Variants in ZNF540 observed in about 807,000 individuals in gnomAD.
The protein encoded by ZNF540 is zinc finger protein 540.
In ZNF540, 3 loss-of-function variants were observed where a neutral mutation model predicts 11.8. The ratio of observed to expected loss-of-function variants is 0.25; its 90% CI spans 0.12 to 0.65. The LOEUF (loss-of-function observed/expected upper bound fraction) is 0.65, where lower values mean the gene tolerates loss of function less well. Ranked by LOEUF, ZNF540 falls within the 30% of genes least tolerant of loss-of-function variation. The probability of loss-of-function intolerance (pLI) is 0.83; values close to 1 mark genes in which losing one functional copy is unlikely to be tolerated. For synonymous variants in ZNF540, 247 were observed against 259.0 expected, an observed-to-expected ratio of 0.95 and a Z score of 0.45; for missense variants, 709 against 793.1, an observed-to-expected ratio of 0.89 and a Z score of 1.27.
intron 1 of ZNF540, among the ~76,000 whole-genome samples, chr19:37,561,260 A>G (rs904297345): frequency 6.6e-6 from 1 of 152,004 alleles, no homozygotes; most frequent in Non-Finnish European, 1.5e-5. Flanking sequence ...CCCTTATAAA[A>G]TTGATCTAGA....
chr19:37,558,036 A>G (rs561796158), intron 1 of ZNF540, among the ~76,000 whole-genome samples: 1 of 152,296 alleles, frequency 6.6e-6, no homozygotes, highest in Admixed American at 6.5e-5. Flanking sequence ...CAAACAGGTG[A>G]AACGGCTTTG....
At chr19:37,579,842 G>C (rs901766410) in intron 1 of ZNF540, among the ~76,000 whole-genome samples, 1 of 152,004 alleles carries the variant, frequency 6.6e-6, no homozygotes, top group South Asian at 2.1e-4. Context: ...TTTTGATCCA[G>C]CTGGAGGAGG....
chr19:37,566,137 C>G (rs1261509504), intron 1 of ZNF540: 6 of 1,614,010 alleles, frequency 3.7e-6, no homozygotes, highest in South Asian at 1.1e-5. Context: ...CTTCTTGACC[C>G]TCTAAGTTGC....
intron 4 of ZNF540, among the ~76,000 whole-genome samples, chr19:37,606,747 T>C (rs1038021012): frequency 3.0e-4 from 45 of 152,340 alleles, no homozygotes; most frequent in African/African-American, 1.0e-3. Context: ...TGTGTTATTA[T>C]TGAGTTGCAA....
intron 3 of ZNF540, among the ~76,000 whole-genome samples, chr19:37,600,216 A>G (rs1416995707): frequency 6.6e-6 from 1 of 152,142 alleles, no homozygotes; most frequent in Non-Finnish European, 1.5e-5. Context: ...ACTTCCTAAA[A>G]CAAATATTTT....
At chr19:37,556,633 G>C (rs1361896882) in intron 1 of ZNF540, among the ~76,000 whole-genome samples, 1 of 152,218 alleles carries the variant, frequency 6.6e-6, no homozygotes, top group Admixed American at 6.5e-5. Context: ...CCTTGAACAA[G>C]TGGCAGGATG....
In ZNF540 at chr19:37,614,056, G is replaced by A. The variant is rs994655265; in HGVS notation, c.*793G>A. On this transcript the variant is annotated 3_prime_UTR_variant, in exon 5 of 5. Transcript: ENST00000316433. ...CTGGCACCTTGACCTTGGACTTTCA[G>A]CCTCCAAAACTGTGAGAAATAAACC... The A allele has an allele frequency of 1.0e-5, 4 of 393,584 alleles. No homozygotes were observed. Among genetic ancestry groups the A allele is most frequent in the African/African-American group, 6.2e-5 (3 of 48,552 alleles). 24.4% of individuals were successfully genotyped at this position (393,584 alleles called of 1,614,324 possible).
chr19:37,613,396 A>C lies in ZNF540; in HGVS notation c.*133A>C. The stretch of plus-strand genomic sequence containing the variant: ...AATGTATGAGTCTTAAATACCTCTT[A>C]GTTCTCATTAAATTTAGGAAAATTC... On this transcript the variant is annotated 3_prime_UTR_variant, in exon 5 of 5. Transcript: ENST00000316433. 1.6e-6 allele frequency: 1 copy of C among 617,190 alleles called. No homozygotes were observed. The highest frequency in any genetic ancestry group is 2.5e-6 in the Non-Finnish European group (1 of 402,612). 38.2% of individuals were successfully genotyped at this position (617,190 alleles called of 1,614,324 possible). A position where few individuals can be genotyped will look rare whatever the true frequency, so the allele number is the denominator to read the frequency against.
intron 1 of ZNF540, chr19:37,575,383 C>T (rs1277110884): frequency 6.6e-6 from 1 of 152,178 alleles, no homozygotes; most frequent in Non-Finnish European, 1.5e-5. Flanking sequence ...CCACATATGT[C>T]AGATTTACCA....
intron 1 of ZNF540, among the ~76,000 whole-genome samples, chr19:37,554,543 T>A (rs1454690032): frequency 6.6e-6 from 1 of 152,202 alleles, no homozygotes; most frequent in African/African-American, 2.4e-5. Context: ...TACCACTAGT[T>A]TTCAGCAATT....
At chr19:37,567,370 T>C (rs1031505880) in intron 1 of ZNF540, among the ~76,000 whole-genome samples, 4 of 152,206 alleles carry the variant, frequency 2.6e-5, no homozygotes, top group Non-Finnish European at 4.4e-5. Context: ...ATGCTTCTCA[T>C]AAAACACAAA....
At chr19:37,574,254 C>A (rs2043168783) in intron 1 of ZNF540, among the ~76,000 whole-genome samples, 1 of 152,102 alleles carries the variant, frequency 6.6e-6, no homozygotes, top group Non-Finnish European at 1.5e-5. Context: ...AACACCTGAG[C>A]CCTTTAAATC....
At chr19:37,600,181 T>C (rs1448969316) in intron 3 of ZNF540, among the ~76,000 whole-genome samples, 3 of 152,180 alleles carry the variant, frequency 2.0e-5, no homozygotes, top group African/African-American at 7.2e-5. Flanking sequence ...ATAACATTGA[T>C]TTAAAATTAA....
intron 1 of ZNF540, among the ~76,000 whole-genome samples, chr19:37,584,734 G>A (rs965053671): frequency 5.0e-4 from 76 of 152,122 alleles, no homozygotes; most frequent in African/African-American, 1.7e-3. Context: ...AGGCCGAGGC[G>A]GGCGGATCAC....
At chr19:37,571,905 T>C (rs1330915377) in intron 1 of ZNF540, among the ~76,000 whole-genome samples, 1 of 152,252 alleles carries the variant, frequency 6.6e-6, no homozygotes, top group Admixed American at 6.5e-5. Context: ...AGGCATGAGT[T>C]AGCAGTTGAT....
At chr19:37,573,890 T>C (rs1038793116) in intron 1 of ZNF540, among the ~76,000 whole-genome samples, 2 of 151,940 alleles carry the variant, frequency 1.3e-5, no homozygotes, top group Non-Finnish European at 1.5e-5. Context: ...TTAGCTGCTA[T>C]TACTACTTTA....
At chr19:37,591,171 G>A (rs751863096), upstream of ZNF540, among the ~76,000 whole-genome samples, 3 of 152,200 alleles carry the variant, frequency 2.0e-5, no homozygotes, top group Non-Finnish European at 2.9e-5. Flanking sequence ...CTAATGCCCA[G>A]ACAGTGGTCA....
At chr19:37,573,563 A>C (rs532956824) in intron 1 of ZNF540, among the ~76,000 whole-genome samples, 11 of 152,124 alleles carry the variant, frequency 7.2e-5, no homozygotes, top group African/African-American at 2.2e-4. Flanking sequence ...GCAGTGGTTC[A>C]CAACTGTAAT....
At position 37,555,581 on chromosome 19, in the gene ZNF540, T is replaced by A. The variant is rs942253131; in HGVS notation, c.-73+3916T>A. ...GTTCCTGTTGGCGCCTATCTAGATT[T>A]TCTCGAACTTTTGGAGTGTATCTTT... On this transcript the variant is annotated intron_variant, in intron 1 of 4. Coordinates refer to the ZNF540 transcript ENST00000592533. 9 of 295,618 alleles carry A rather than the reference T, an allele frequency of 3.0e-5. No individual in the cohort carries two copies. The Admixed American group carries it at 3.3e-4, about 11-fold the overall frequency. 18.3% of individuals were successfully genotyped at this position (295,618 alleles called of 1,614,324 possible).
Sources: allele counts gnomAD v4.1 joint callset (sites outside exome capture counted in the v4.1 genomes callset), GRCh38; gene constraint gnomAD v4.1.1; transcripts MANE v1.5; gene names NCBI Gene and HGNC (gene_info 2026-07-23, HGNC 2026-07-21).